CTBS: variants seen among roughly 807,000 people sequenced by gnomAD.
CTBS encodes the protein di-N-acetylchitobiase.
Under a neutral mutation model 44.3 loss-of-function variants are expected in CTBS, and 35 were observed. The observed-to-expected ratio is 0.79, with a 90% confidence interval of 0.60 to 1.05. The LOEUF (loss-of-function observed/expected upper bound fraction) is 1.05. Ranked by LOEUF, CTBS falls within the 50% of genes least tolerant of loss-of-function variation. The pLI, the probability that CTBS is intolerant of heterozygous loss-of-function variation, is 0.00. For missense variants in CTBS, 458 were observed against 475.3 expected (o/e 0.96, Z 0.34); for synonymous variants, 143 against 168.0 (o/e 0.85, Z 1.15).
At chr1:84,568,936 C>T (rs1192364572) in intron 3 of CTBS, among the ~76,000 whole-genome samples, 1 of 152,090 alleles carries the variant, frequency 6.6e-6, no homozygotes, top group East Asian at 1.9e-4. Flanking sequence ...CCTGCAGAAC[C>T]GTGAGCCAAT....
Position 84,550,342 on chromosome 1 carries a change from C to A in CTBS, c.*4657G>T. 1 of 571,990 alleles carries A rather than the reference C, an allele frequency of 1.7e-6. No individual in the cohort carries two copies. Among genetic ancestry groups the A allele is most frequent in the Non-Finnish European group, 2.8e-6 (1 of 361,356 alleles). 35.4% of individuals were successfully genotyped at this position (571,990 alleles called of 1,614,324 possible). A position where few individuals can be genotyped will look rare whatever the true frequency, so the allele number is the denominator to read the frequency against. On this transcript the variant is annotated 3_prime_UTR_variant, in exon 7 of 7. Coordinates refer to ENST00000370630, the MANE Select transcript of CTBS (RefSeq NM_004388.3). ...TATTTTCATGATTTACTCTTTTGAT[C>A]TTTATCATTTCATAGTTTATGTTCA...
At chr1:84,573,225 GCAAA>G (rs1489114230) in intron 1 of CTBS, among the ~76,000 whole-genome samples, 1 of 152,082 alleles carries the variant, frequency 6.6e-6, no homozygotes, top group Non-Finnish European at 1.5e-5. Flanking sequence ...GCTAAATAAG[GCAAA>G]CAGTCATAGC....
At chr1:84,560,765 T>G (rs766949645) in intron 6 of CTBS, among the ~76,000 whole-genome samples, 4 of 152,172 alleles carry the variant, frequency 2.6e-5, no homozygotes, top group Non-Finnish European at 4.4e-5. Context: ...CTATGGCACT[T>G]AAGAATTATG....
chr1:84,565,575 A>C (rs1684684188), intron 4 of CTBS, among the ~76,000 whole-genome samples: 1 of 152,224 alleles, frequency 6.6e-6, no homozygotes, highest in African/African-American at 2.4e-5. Flanking sequence ...CTTAATAGTT[A>C]TGCAATCATG....
intron 1 of CTBS, among the ~76,000 whole-genome samples, chr1:84,572,480 GA>G (rs1265563071): frequency 6.6e-6 from 1 of 150,882 alleles, no homozygotes; most frequent in Non-Finnish European, 1.5e-5. Flanking sequence ...AATATAAGGG[GA>G]AAATGCCATG....
rs986690647 is a variant in CTBS at position 84,563,895 on chromosome 1, GCT to G, written c.698-65_698-64del. The G allele has an allele frequency of 2.2e-5, 33 of 1,518,368 alleles. No individual in the cohort carries two copies. The African/African-American group carries it at 4.6e-4, about 21-fold the overall frequency. 94.1% of individuals were successfully genotyped at this position (1,518,368 alleles called of 1,614,324 possible). On this transcript the variant is annotated intron_variant, in intron 4 of 6. Coordinates refer to ENST00000370630, the MANE Select transcript of CTBS (RefSeq NM_004388.3). The stretch of plus-strand genomic sequence containing the variant: ...TTCATATGTCAATGTGTTCATACAA[GCT>G]ATGCAACCGTTCAGAATCTGTTTGT...
chr1:84,565,808 A>C (rs764043260), intron 4 of CTBS, 33 bp downstream of exon 4: 1 of 1,176,022 alleles, frequency 8.5e-7, no homozygotes, highest in Non-Finnish European at 1.1e-6. Context: ...TATTATTAAT[A>C]TTATTAATAA....
intron 6 of CTBS, among the ~76,000 whole-genome samples, chr1:84,558,616 A>G (rs1409040368): frequency 4.0e-5 from 6 of 149,546 alleles, no homozygotes; most frequent in Non-Finnish European, 7.4e-5. Context: ...AAAAAAAAAA[A>G]GAGGCCAAGT....
chr1:84,571,678 TGAGA>T (rs1408340450), intron 1 of CTBS, among the ~76,000 whole-genome samples: 2 of 152,176 alleles, frequency 1.3e-5, no homozygotes, highest in Non-Finnish European at 2.9e-5. Flanking sequence ...TAAAGATTAA[TGAGA>T]GAGACCAGGT....
chr1:84,570,157 A>G lies in CTBS; in HGVS notation c.317-18T>C. The stretch of plus-strand genomic sequence containing the variant: ...TACATCTCCTGTGGAAGAAGTATAT[A>G]TCTTTTGAACATGTATGCAAAAACA... On this transcript the variant is annotated intron_variant, in intron 2 of 6. Transcript: ENST00000370630. 6.3e-7 allele frequency: 1 copy of G among 1,593,924 alleles called. No homozygotes were observed. Among genetic ancestry groups the G allele is most frequent in the Non-Finnish European group, 8.6e-7 (1 of 1,168,354 alleles).
chr1:84,566,544 C>G (rs1267275531), intron 3 of CTBS, among the ~76,000 whole-genome samples: 1 of 152,058 alleles, frequency 6.6e-6, no homozygotes, highest in Non-Finnish European at 1.5e-5. Context: ...GTCTTACGGC[C>G]TACAGGTATA....
intron 6 of CTBS, among the ~76,000 whole-genome samples, chr1:84,562,324 C>T (rs973616055): frequency 6.6e-6 from 1 of 152,156 alleles, no homozygotes; most frequent in Non-Finnish European, 1.5e-5. Context: ...GATAAGATTA[C>T]AATACACTCT....
chr1:84,562,123 T>G (rs1246017335), intron 6 of CTBS, among the ~76,000 whole-genome samples: 4 of 152,254 alleles, frequency 2.6e-5, no homozygotes. Flanking sequence ...AACTACCTTA[T>G]GTATTACAGC....
rs1684264402 is a variant in CTBS, at chr1:84,551,332, AAG to A, written c.*3665_*3666del. The A allele has an allele frequency of 1.1e-6, 1 of 925,166 alleles. No individual in the cohort carries two copies. Among genetic ancestry groups the A allele is most frequent in the South Asian group, 5.0e-5 (1 of 20,002 alleles). 57.3% of individuals were successfully genotyped at this position (925,166 alleles called of 1,614,324 possible). On this transcript the variant is annotated 3_prime_UTR_variant, in exon 7 of 7. Coordinates refer to ENST00000370630, the MANE Select transcript of CTBS (RefSeq NM_004388.3). ...TTTTAAAAAAATTTTAAAAAGAAAA[AAG>A]AAAATCAGTACTGTCCTCGGTTTCA...
intron 6 of CTBS, among the ~76,000 whole-genome samples, chr1:84,555,441 T>C (rs1197748677): frequency 6.6e-6 from 1 of 152,232 alleles, no homozygotes; most frequent in Non-Finnish European, 1.5e-5. Flanking sequence ...ACTTACAATT[T>C]TTAGACTTTA....
At chr1:84,556,412 C>A (rs902806306) in intron 6 of CTBS, among the ~76,000 whole-genome samples, 24 of 152,224 alleles carry the variant, frequency 1.6e-4, no homozygotes, top group African/African-American at 5.5e-4. Context: ...AGAATAGTCT[C>A]TTAAGATGAC....
chr1:84,558,709 T>C (rs1388530549), intron 6 of CTBS, among the ~76,000 whole-genome samples: 1 of 151,700 alleles, frequency 6.6e-6, no homozygotes, highest in Non-Finnish European at 1.5e-5. Flanking sequence ...AAGACCAGCC[T>C]GGGCAATATA....
rs553887357 is a variant in CTBS, at chr1:84,552,109, C to A, written c.*2890G>T. ...ACCATAGTGCCTGATTGACACATAACAGACATTATTTAAGAAGTTTTATTG... is the reference window on the plus strand; with the variant it reads ...ACCATAGTGCCTGATTGACACATAAAAGACATTATTTAAGAAGTTTTATTG... On this transcript the variant is annotated 3_prime_UTR_variant, in exon 7 of 7. Transcript: ENST00000370630. 67 of 152,176 alleles carry A rather than the reference C, an allele frequency of 4.4e-4. No homozygotes were observed. The highest frequency in any genetic ancestry group is 1.4e-3 in the African/African-American group (60 of 41,538). The allele number at this position is 152,176 out of a possible 1,614,324, so 9.4% of individuals were successfully genotyped here. A position where few individuals can be genotyped will look rare whatever the true frequency, so the allele number is the denominator to read the frequency against.
intron 6 of CTBS, 106 bp downstream of exon 6, chr1:84,563,151 T>C (rs1467851229): frequency 1.4e-6 from 1 of 713,268 alleles, no homozygotes; most frequent in Non-Finnish European, 2.1e-6. Flanking sequence ...CTGCATGTTA[T>C]GCCCTAAAAG....
Sources: allele counts gnomAD v4.1 joint callset (sites outside exome capture counted in the v4.1 genomes callset), GRCh38; gene constraint gnomAD v4.1.1; transcripts MANE v1.5; gene names NCBI Gene and HGNC (gene_info 2026-07-23, HGNC 2026-07-21).